Variants in DNAH17 observed in about 807,000 individuals in gnomAD.
DNAH17 encodes the protein dynein axonemal heavy chain 17.
In DNAH17, 376 loss-of-function variants were observed where a neutral mutation model predicts 485.6. That is an observed-to-expected ratio of 0.77 (90% CI 0.71 to 0.84). The LOEUF is 0.84. Among genes scored for constraint, DNAH17 ranks in the 40% least tolerant of loss-of-function variants. The probability of loss-of-function intolerance (pLI) is 0.00; values close to 1 mark genes in which losing one functional copy is unlikely to be tolerated. For synonymous variants in DNAH17, 3,031 were observed against 2,405.9 expected, an observed-to-expected ratio of 1.26 and a Z score of -7.60; for missense variants, 6,370 against 5,839.3, an observed-to-expected ratio of 1.09 and a Z score of -2.96.
At chr17:78,507,179 C>T in intron 29 of DNAH17, 99 bp downstream of exon 29, 1 of 1,412,550 alleles carries the variant, frequency 7.1e-7, no homozygotes. Flanking sequence ...TTTGCCCTGT[C>T]CTGGCCAGCA....
intron 14 of DNAH17, among the ~76,000 whole-genome samples, chr17:78,557,534 G>A (rs541560190): frequency 6.6e-6 from 1 of 150,564 alleles, no homozygotes; most frequent in East Asian, 2.0e-4. Context: ...AGCTACTCAG[G>A]AGGCTGAGCC....
intron 16 of DNAH17, among the ~76,000 whole-genome samples, chr17:78,545,603 C>A (rs530831235): frequency 6.6e-6 from 1 of 152,236 alleles, no homozygotes; most frequent in Admixed American, 6.5e-5. Context: ...GATTGCCTCC[C>A]CAGGGCCACG....
At chr17:78,486,639 G>C (rs1052763100) in intron 44 of DNAH17, 133 bp from the exon 45 acceptor site, 66 of 1,169,086 alleles carry the variant, frequency 5.6e-5, no homozygotes, top group Non-Finnish European at 7.4e-5. Flanking sequence ...TGCCTGCATG[G>C]CAATGGGTCC....
At chr17:78,561,335 G>A (rs1023227015) in intron 12 of DNAH17, among the ~76,000 whole-genome samples, 1 of 151,512 alleles carries the variant, frequency 6.6e-6, no homozygotes, top group Admixed American at 6.6e-5. Context: ...AGGCCAAGCC[G>A]GGGCTCCCCT....
chr17:78,485,327 A>AT (rs34700275), intron 47 of DNAH17, among the ~76,000 whole-genome samples: 74,579 of 151,920 alleles, frequency 0.49, 19,630 homozygotes, highest in Admixed American at 0.62. Flanking sequence ...ACTGGCCATC[A>AT]AAACCCCATC....
chr17:78,505,786 C>CT (rs1422295457), intron 30 of DNAH17, among the ~76,000 whole-genome samples: 1 of 152,088 alleles, frequency 6.6e-6, no homozygotes, highest in African/African-American at 2.4e-5. Context: ...CGAGACCAGC[C>CT]TGACCAATGT....
chr17:78,478,802 C>CCACCATCATCACAT, intron 51 of DNAH17: 1 of 524,588 alleles, frequency 1.9e-6, no homozygotes, highest in African/African-American at 2.0e-5. Flanking sequence ...ACCATCACTA[C>CCACCATCATCACAT]CACCATCATC....
chr17:78,491,593 C>A, intron 42 of DNAH17, 23 bp from the exon 43 acceptor site: 2 of 1,611,334 alleles, frequency 1.2e-6, no homozygotes, highest in Non-Finnish European at 1.7e-6. Context: ...CGTGGTATGA[C>A]CCCGGGCCCT....
At chr17:78,558,880 G>A (rs1038275451) in intron 13 of DNAH17, among the ~76,000 whole-genome samples, 2 of 152,156 alleles carry the variant, frequency 1.3e-5, no homozygotes, top group African/African-American at 2.4e-5. Context: ...CCATATTGCT[G>A]AATCCACTGG....
intron 13 of DNAH17, among the ~76,000 whole-genome samples, chr17:78,558,984 C>T (rs992241102): frequency 3.3e-5 from 5 of 152,232 alleles, no homozygotes; most frequent in Non-Finnish European, 7.3e-5. Flanking sequence ...GGACACTAGA[C>T]ATTCCTGGTC....
chr17:78,476,551 G>C (rs769716849), intron 52 of DNAH17, 21 bp downstream of exon 52: 1 of 1,600,722 alleles, frequency 6.2e-7, no homozygotes, highest in Non-Finnish European at 8.5e-7. Context: ...CTCGGCAGAG[G>C]GACTGGGCAG....
At chr17:78,428,823 TC>T in intron 76 of DNAH17, 116 bp from the exon 77 acceptor site, 1 of 1,286,140 alleles carries the variant, frequency 7.8e-7, no homozygotes, top group Non-Finnish European at 1.1e-6. Flanking sequence ...TCTGTACAGA[TC>T]CCACTTGTTT....
At chr17:78,506,931 G>A in intron 29 of DNAH17, 85 bp from the exon 30 acceptor site, 1 of 1,558,934 alleles carries the variant, frequency 6.4e-7, no homozygotes. Context: ...GAAGGAAACT[G>A]ATCATCCTGG....
In DNAH17 at chr17:78,502,276, G is replaced by A. The variant is rs1230806870; in HGVS notation, c.5190+315C>T. The A allele has an allele frequency of 9.0e-6, 3 of 332,412 alleles. No homozygotes were observed. The East Asian group carries it at 1.9e-4, about 21-fold the overall frequency. 20.6% of individuals were successfully genotyped at this position (332,412 alleles called of 1,614,324 possible). A position where few individuals can be genotyped will look rare whatever the true frequency, so the allele number is the denominator to read the frequency against. Reference sequence around the variant, plus strand: ...ACAGGTAAATTCTCCTTCTTTTCAAGATGATCTTTTGTTTCCATATTTCTA... The same window carrying A: ...ACAGGTAAATTCTCCTTCTTTTCAAAATGATCTTTTGTTTCCATATTTCTA... On this transcript the variant is annotated intron_variant, in intron 33 of 80. Transcript: ENST00000389840.
Position 78,501,735 on chromosome 17 carries a change from C to A in DNAH17, c.5322+7G>T. Reference sequence around the variant, plus strand: ...TCCCCTGGCCCCTGGGACAGGGGCGCTCATGCCTTGGCCACGATCATTTTG... The same window carrying A: ...TCCCCTGGCCCCTGGGACAGGGGCGATCATGCCTTGGCCACGATCATTTTG... On this transcript the variant is annotated splice_region_variant and intron_variant, in intron 34 of 80. Coordinates refer to ENST00000389840, the MANE Select transcript of DNAH17 (RefSeq NM_173628.4). 1 of 1,612,130 alleles carries A rather than the reference C, an allele frequency of 6.2e-7. No homozygotes were observed. Among genetic ancestry groups the A allele is most frequent in the Non-Finnish European group, 8.5e-7 (1 of 1,179,700 alleles).
At chr17:78,461,769 C>A in intron 57 of DNAH17, 61 bp from the exon 58 acceptor site, 2 of 1,526,914 alleles carry the variant, frequency 1.3e-6, no homozygotes, top group Non-Finnish European at 1.8e-6. Flanking sequence ...CGCCGCCCTG[C>A]ACTGGGCAGA....
intron 48 of DNAH17, among the ~76,000 whole-genome samples, chr17:78,482,902 G>C (rs1274859294): frequency 6.6e-6 from 1 of 152,192 alleles, no homozygotes; most frequent in South Asian, 2.1e-4. Context: ...AGAATGTGGA[G>C]GCTCCTCCTT....
chr17:78,502,770 T>C, intron 32 of DNAH17, 72 bp from the exon 33 acceptor site: 1 of 1,592,282 alleles, frequency 6.3e-7, no homozygotes, highest in African/African-American at 1.3e-5. Context: ...ACATTCCTGC[T>C]GAAAGCTTAG....
At chr17:78,566,551 G>T in intron 11 of DNAH17, 63 bp downstream of exon 11, 1 of 1,223,428 alleles carries the variant, frequency 8.2e-7, no homozygotes, top group Non-Finnish European at 1.2e-6. Context: ...GATCGTTCTC[G>T]ACATGAATCC....
Sources: gnomAD v4.1 joint callset for allele counts (sites outside exome capture counted in the v4.1 genomes callset) on GRCh38, gnomAD v4.1.1 for gene constraint, MANE v1.5 for transcripts, NCBI Gene and HGNC (gene_info 2026-07-23, HGNC 2026-07-21) for gene names.